MACROD1: variants seen among roughly 807,000 people sequenced by gnomAD.
The protein encoded by MACROD1 is ADP-ribose glycohydrolase MACROD1.
A neutral mutation model predicts 41.4 loss-of-function variants in MACROD1; 31 were observed. The ratio of observed to expected loss-of-function variants is 0.75; its 90% CI spans 0.56 to 1.01. The LOEUF is 1.01. Ranked by LOEUF, MACROD1 falls within the 50% of genes least tolerant of loss-of-function variation. The pLI is 0.00. For synonymous variants in MACROD1, 252 were observed against 203.4 expected, an observed-to-expected ratio of 1.24 and a Z score of -2.03; for missense variants, 473 against 460.0, an observed-to-expected ratio of 1.03 and a Z score of -0.26.
At chr11:64,157,263 T>A (rs1945683894) in intron 1 of MACROD1, among the ~76,000 whole-genome samples, 1 of 152,076 alleles carries the variant, frequency 6.6e-6, no homozygotes, top group Non-Finnish European at 1.5e-5. Context: ...CAGCTAATTT[T>A]TTGTATTTTT....
chr11:64,074,085 C>G (rs949346363), intron 3 of MACROD1, among the ~76,000 whole-genome samples: 1 of 152,194 alleles, frequency 6.6e-6, no homozygotes, highest in Non-Finnish European at 1.5e-5. Flanking sequence ...GGAATACCCC[C>G]TCCCCATTCT....
chr11:64,096,311 C>A lies in MACROD1; in HGVS notation c.517+54928G>T, dbSNP rs993333676. On this transcript the variant is annotated intron_variant, in intron 3 of 10. Transcript: ENST00000255681. This position sits in a 1 kb window ranked among gnomAD's most constrained non-coding sequence, Gnocchi z 4.6. ...TTGGCTGGTGGCGCCAGGTTCATCA[C>A]CCCGAGCTTCCTCTAGGCTGGACAC... Among the ~76,000 whole-genome samples, 21 of 152,222 alleles carry A rather than the reference C, an allele frequency of 1.4e-4. No individual in the cohort carries two copies. The highest frequency in any genetic ancestry group is 2.2e-4 in the Non-Finnish European group (15 of 68,046).
rs1261778776 is a variant in MACROD1 at position 64,082,100 on chromosome 11, G to C, written c.518-66819C>G. The stretch of plus-strand genomic sequence containing the variant: ...AGGGGCCGTGGCGAGAACAGATGGG[G>C]CTGTGCCCATCTCCCCAGGCCCTCC... On this transcript the variant is annotated intron_variant, in intron 3 of 10. Transcript: ENST00000255681. The surrounding 1 kb of genome is among the most constrained non-coding windows in gnomAD (Gnocchi z 4.5). 1 of 152,212 alleles carries C rather than the reference G, an allele frequency of 6.6e-6. No individual in the cohort carries two copies. Among genetic ancestry groups the C allele is most frequent in the Non-Finnish European group, 1.5e-5 (1 of 68,086 alleles). The allele number at this position is 152,212 out of a possible 1,614,324, so 9.4% of individuals were successfully genotyped here.
rs545958691 is a variant in MACROD1, at chr11:64,036,990, G to A, written c.518-21709C>T. On this transcript the variant is annotated intron_variant, in intron 3 of 10. Coordinates refer to ENST00000255681, the MANE Select transcript of MACROD1 (RefSeq NM_014067.4). The surrounding 1 kb of genome is among the most constrained non-coding windows in gnomAD (Gnocchi z 5.6). ...GAAAGTTGTGGAACAGGGACACCAG[G>A]GAGCTGCCACAGCCTTCCCGGTGGC... Among the ~76,000 whole-genome samples, 128 of 152,358 alleles carry A rather than the reference G, an allele frequency of 8.4e-4. No homozygotes were observed. Among genetic ancestry groups the A allele is most frequent in the Non-Finnish European group, 1.4e-3 (97 of 68,026 alleles).
intron 3 of MACROD1, among the ~76,000 whole-genome samples, chr11:64,114,754 C>G (rs530305884): frequency 1.3e-5 from 2 of 151,468 alleles, no homozygotes; most frequent in Non-Finnish European, 2.9e-5. Context: ...CAGGTCCATG[C>G]ATGAATTGAT....
intron 3 of MACROD1, among the ~76,000 whole-genome samples, chr11:64,072,010 T>C (rs1284173330): frequency 6.6e-6 from 1 of 152,182 alleles, no homozygotes; most frequent in African/African-American, 2.4e-5. Context: ...AGCAGGTCGA[T>C]AGCAAAACAA....
At chr11:64,116,163 C>A (rs1402705037) in intron 3 of MACROD1, 19 of 1,490,630 alleles carry the variant, frequency 1.3e-5, no homozygotes, top group Non-Finnish European at 1.7e-5. Context: ...ACGATTCACT[C>A]CTGGGGTCGC....
intron 3 of MACROD1, among the ~76,000 whole-genome samples, chr11:64,041,033 AATTAAAACTGGG>A (rs780873973): frequency 1.5e-4 from 23 of 151,918 alleles, no homozygotes; most frequent in African/African-American, 4.6e-4. Flanking sequence ...GCTTATACTT[AATTAAAACTGGG>A]ATTAAAACTG....
At chr11:64,084,447 G>C (rs949057529) in intron 3 of MACROD1, among the ~76,000 whole-genome samples, 1 of 151,852 alleles carries the variant, frequency 6.6e-6, no homozygotes, top group Non-Finnish European at 1.5e-5. Context: ...GTGGGCAGGC[G>C]CTGTGGAGGC....
chr11:64,051,089 C>T lies in MACROD1; in HGVS notation c.518-35808G>A, dbSNP rs570421890. On this transcript the variant is annotated intron_variant, in intron 3 of 10. Transcript: ENST00000255681. ...GCCCCACCGATCTGGAGGAGAGATT[C>T]ACTCCATGGATGCTGCCTGTGGGTG... 5.3e-5 allele frequency among the ~76,000 whole-genome samples: 8 copies of T among 152,348 alleles called. No homozygotes were observed. In the East Asian group the frequency reaches 1.4e-3, roughly 26 times the overall value.
intron 4 of MACROD1, among the ~76,000 whole-genome samples, chr11:64,002,604 G>A (rs1198930413): frequency 3.3e-5 from 5 of 152,092 alleles, no homozygotes; most frequent in Non-Finnish European, 5.9e-5. Context: ...TCTTGCCTGC[G>A]TGTCCCTCCC....
chr11:64,105,769 G>A (rs1251243391), intron 3 of MACROD1, among the ~76,000 whole-genome samples: 1 of 152,190 alleles, frequency 6.6e-6, no homozygotes, highest in Non-Finnish European at 1.5e-5. Flanking sequence ...CTGGGAAAGG[G>A]TTACAGTTGG....
intron 3 of MACROD1, among the ~76,000 whole-genome samples, chr11:64,072,774 T>A (rs914611771): frequency 6.6e-6 from 1 of 152,240 alleles, no homozygotes; most frequent in Non-Finnish European, 1.5e-5. Flanking sequence ...CTGGGGTTGA[T>A]CTCTGTCTTG....
intron 3 of MACROD1, among the ~76,000 whole-genome samples, chr11:64,098,385 C>T (rs1013735438): frequency 2.0e-5 from 3 of 152,252 alleles, no homozygotes; most frequent in African/African-American, 7.2e-5. Flanking sequence ...GCTGTTCCCT[C>T]AGCCTGAAAT....
chr11:64,115,214 A>AT (rs1944955510), intron 3 of MACROD1, among the ~76,000 whole-genome samples: 1 of 152,166 alleles, frequency 6.6e-6, no homozygotes, highest in African/African-American at 2.4e-5. Flanking sequence ...TCTTTAATTG[A>AT]TTTTTTACCA....
intron 3 of MACROD1, among the ~76,000 whole-genome samples, chr11:64,058,933 T>C (rs2134431735): frequency 6.6e-6 from 1 of 152,210 alleles, no homozygotes; most frequent in East Asian, 1.9e-4. Flanking sequence ...GAGTGACACA[T>C]GGACCCAGGC....
At chr11:64,073,885 C>T (rs1944153760) in intron 3 of MACROD1, among the ~76,000 whole-genome samples, 1 of 152,176 alleles carries the variant, frequency 6.6e-6, no homozygotes, top group Admixed American at 6.5e-5. Flanking sequence ...GGATCCAGCC[C>T]AGCCACTTAG....
At chr11:64,156,068 A>C (rs934465816) in intron 1 of MACROD1, among the ~76,000 whole-genome samples, 2 of 145,874 alleles carry the variant, frequency 1.4e-5, no homozygotes, top group Admixed American at 1.5e-4. Flanking sequence ...AGATCACACC[A>C]TTGCACTCCA....
intron 3 of MACROD1, among the ~76,000 whole-genome samples, chr11:64,041,032 TAATTAAAAC>T (rs1359638509): frequency 6.6e-6 from 1 of 151,694 alleles, no homozygotes; most frequent in Admixed American, 6.6e-5. Flanking sequence ...GGCTTATACT[TAATTAAAAC>T]TGGGATTAAA....
Sources: gnomAD v4.1 joint callset for allele counts (sites outside exome capture counted in the v4.1 genomes callset) on GRCh38, gnomAD v4.1.1 for gene constraint, Gnocchi (gnomAD v3.1) non-coding constraint, MANE v1.5 for transcripts, NCBI Gene and HGNC (gene_info 2026-07-23, HGNC 2026-07-21) for gene names.